CNTN3: variants seen among roughly 807,000 people sequenced by gnomAD.
CNTN3 encodes the protein contactin 3, also known as contactin-3.
Under a neutral mutation model 119.1 loss-of-function variants are expected in CNTN3, and 60 were observed. That is an observed-to-expected ratio of 0.50 (90% CI 0.41 to 0.62). CNTN3 has a LOEUF of 0.62. CNTN3 is among the 20% of genes least tolerant of loss of function. The pLI, the probability that CNTN3 is intolerant of heterozygous loss-of-function variation, is 0.00. For missense variants in CNTN3, 1,101 were observed against 1,242.4 expected, an observed-to-expected ratio of 0.89 and a Z score of 1.71; for synonymous variants, 450 against 438.7, an observed-to-expected ratio of 1.03 and a Z score of -0.32.
chr3:74,506,004 A>T (rs1703253107), intron 2 of CNTN3, among the ~76,000 whole-genome samples: 1 of 152,180 alleles, frequency 6.6e-6, no homozygotes, highest in Non-Finnish European at 1.5e-5. Context: ...GGACCTAGAA[A>T]TAAATGTTCA....
At chr3:74,460,595 T>G (rs1453461228) in intron 4 of CNTN3, among the ~76,000 whole-genome samples, 1 of 151,534 alleles carries the variant, frequency 6.6e-6, no homozygotes, top group African/African-American at 2.4e-5. Context: ...CAGTTCATTA[T>G]CATATTAAAA....
intron 11 of CNTN3, among the ~76,000 whole-genome samples, chr3:74,344,911 T>C (rs1241722255): frequency 6.6e-6 from 1 of 152,016 alleles, no homozygotes; most frequent in African/African-American, 2.4e-5. Context: ...ACAGTTTTCA[T>C]ACAACTGAGG....
intron 2 of CNTN3, among the ~76,000 whole-genome samples, chr3:74,506,482 T>C (rs1374335320): frequency 6.6e-6 from 1 of 152,152 alleles, no homozygotes; most frequent in Admixed American, 6.6e-5. Flanking sequence ...CTTGGGAGAT[T>C]AAAATGTTTT....
At chr3:74,299,807 A>G in intron 17 of CNTN3, 61 bp downstream of exon 17, 2 of 1,370,888 alleles carry the variant, frequency 1.5e-6, no homozygotes, top group South Asian at 2.6e-5. Flanking sequence ...CCACCTGGGA[A>G]GCCATAATGA....
chr3:74,336,799 CAAAA>C (rs74266971), intron 11 of CNTN3, 141 bp from the exon 12 acceptor site: 12 of 395,142 alleles, frequency 3.0e-5, no homozygotes, highest in South Asian at 5.6e-5. Flanking sequence ...TTTGGGAATA[CAAAA>C]AAAAAAAAAG....
At chr3:74,472,217 A>T (rs1199321360) in intron 4 of CNTN3, among the ~76,000 whole-genome samples, 1 of 152,210 alleles carries the variant, frequency 6.6e-6, no homozygotes, top group African/African-American at 2.4e-5. Flanking sequence ...TTCCAACACA[A>T]CAGAGTGTCC....
chr3:74,456,560 A>G (rs1026048800), intron 4 of CNTN3, among the ~76,000 whole-genome samples: 4 of 152,102 alleles, frequency 2.6e-5, no homozygotes, highest in Non-Finnish European at 5.9e-5. Flanking sequence ...TGAAAACACA[A>G]AAAGATCATC....
At chr3:74,355,840 G>C (rs910902851) in intron 11 of CNTN3, among the ~76,000 whole-genome samples, 1 of 151,976 alleles carries the variant, frequency 6.6e-6, no homozygotes, top group Admixed American at 6.5e-5. Flanking sequence ...GTGGAATAAA[G>C]CCCAAATTCC....
chr3:74,530,288 C>G (rs1378718437), intron 1 of CNTN3, among the ~76,000 whole-genome samples: 1 of 151,830 alleles, frequency 6.6e-6, no homozygotes, highest in Non-Finnish European at 1.5e-5. Flanking sequence ...GTATTACATC[C>G]CAAAGGGAGG....
intron 2 of CNTN3, among the ~76,000 whole-genome samples, chr3:74,504,260 G>A (rs1703214009): frequency 6.6e-6 from 1 of 152,142 alleles, no homozygotes; most frequent in African/African-American, 2.4e-5. Flanking sequence ...ACAACAGGGT[G>A]TAAGGGTAGG....
chr3:74,454,390 T>G (rs1451254083), intron 4 of CNTN3, among the ~76,000 whole-genome samples: 1 of 149,698 alleles, frequency 6.7e-6, no homozygotes, highest in East Asian at 2.0e-4. Flanking sequence ...CCTTTTATTT[T>G]GAGCCTATGT....
chr3:74,272,846 C>T (rs1467595493), intron 20 of CNTN3, among the ~76,000 whole-genome samples: 1 of 152,054 alleles, frequency 6.6e-6, no homozygotes, highest in Non-Finnish European at 1.5e-5. Flanking sequence ...GGAGGGTGGT[C>T]TATTTTTCAT....
At chr3:74,547,352 G>A (rs1450497126) in intron 1 of CNTN3, among the ~76,000 whole-genome samples, 2 of 152,078 alleles carry the variant, frequency 1.3e-5, no homozygotes, top group African/African-American at 4.8e-5. Context: ...CTTTTCCAAT[G>A]TTTCGATAGC....
At chr3:74,447,050 T>C (rs1170819358) in intron 4 of CNTN3, among the ~76,000 whole-genome samples, 2 of 152,184 alleles carry the variant, frequency 1.3e-5, no homozygotes, top group African/African-American at 4.8e-5. Flanking sequence ...CCTAGCAGTG[T>C]ACAGATGGCA....
chr3:74,333,535 C>T (rs1317294225), intron 13 of CNTN3, among the ~76,000 whole-genome samples: 1 of 152,200 alleles, frequency 6.6e-6, no homozygotes, highest in Non-Finnish European at 1.5e-5. Context: ...GCATTCTCCT[C>T]TTTGTGTGTC....
intron 4 of CNTN3, among the ~76,000 whole-genome samples, chr3:74,442,416 A>G (rs1701983150): frequency 6.6e-6 from 1 of 152,052 alleles, no homozygotes; most frequent in South Asian, 2.1e-4. Flanking sequence ...TTTTATTCAC[A>G]CTTTAAAAAT....
At chr3:74,553,976 A>G (rs550926298) in intron 1 of CNTN3, among the ~76,000 whole-genome samples, 1 of 152,218 alleles carries the variant, frequency 6.6e-6, no homozygotes, top group Non-Finnish European at 1.5e-5. Flanking sequence ...GGTGTTTTAG[A>G]TATGAAGCTG....
At chr3:74,492,930 A>G (rs1321924638) in intron 3 of CNTN3, among the ~76,000 whole-genome samples, 1 of 152,162 alleles carries the variant, frequency 6.6e-6, no homozygotes, top group African/African-American at 2.4e-5. Context: ...ATCAGGCATC[A>G]TATTTTGTAC....
At chr3:74,586,413 G>T (rs145720099) in intron 1 of CNTN3, among the ~76,000 whole-genome samples, 1 of 151,982 alleles carries the variant, frequency 6.6e-6, no homozygotes, top group African/African-American at 2.4e-5. Flanking sequence ...GAATTAATAC[G>T]CCTTCTCTGT....
Sources: gnomAD v4.1 joint callset for allele counts (sites outside exome capture counted in the v4.1 genomes callset) on GRCh38, gnomAD v4.1.1 for gene constraint, MANE v1.5 for transcripts, NCBI Gene and HGNC (gene_info 2026-07-23, HGNC 2026-07-21) for gene names.